Variants in MTMR14 observed in about 807,000 individuals in gnomAD.
MTMR14 encodes phosphatidylinositol-3,5-bisphosphate 3-phosphatase MTMR14.
A neutral mutation model predicts 86.3 loss-of-function variants in MTMR14; 48 were observed. The ratio of observed to expected loss-of-function variants is 0.56; its 90% CI spans 0.44 to 0.71. MTMR14 has a LOEUF of 0.71. Among genes scored for constraint, MTMR14 ranks in the 30% least tolerant of loss-of-function variants. MTMR14 has a pLI of 0.00. For missense variants in MTMR14, 780 were observed against 834.6 expected (o/e 0.93, Z 0.81); for synonymous variants, 366 against 326.1 (o/e 1.12, Z -1.32).
intron 10 of MTMR14, chr3:9,683,605 G>T (rs568760714): frequency 7.1e-6 from 2 of 282,288 alleles, no homozygotes; most frequent in East Asian, 1.8e-4. Flanking sequence ...CTCAGTGGAT[G>T]CACACAGCCT....
intron 17 of MTMR14, among the ~76,000 whole-genome samples, chr3:9,697,115 G>A (rs2076304578): frequency 6.6e-6 from 1 of 152,166 alleles, no homozygotes; most frequent in African/African-American, 2.4e-5. Context: ...GAGTCTGCTG[G>A]GCTGATGCTT....
At chr3:9,696,988 G>A (rs1368184023) in intron 17 of MTMR14, among the ~76,000 whole-genome samples, 4 of 151,998 alleles carry the variant, frequency 2.6e-5, no homozygotes, top group African/African-American at 9.7e-5. Flanking sequence ...AGGTGGAAGC[G>A]GTAGATTCCC....
intron 3 of MTMR14, among the ~76,000 whole-genome samples, chr3:9,666,162 C>T (rs1362153561): frequency 8.3e-6 from 1 of 120,858 alleles, no homozygotes; most frequent in Non-Finnish European, 1.6e-5. Context: ...TTGAGACAGT[C>T]TCTCTCCGTT....
intron 17 of MTMR14, among the ~76,000 whole-genome samples, chr3:9,695,583 G>A (rs1263519834): frequency 6.6e-6 from 1 of 152,226 alleles, no homozygotes; most frequent in African/African-American, 2.4e-5. Context: ...GAATCCTTGA[G>A]GGGAGCCAGT....
chr3:9,684,339 T>G (rs2075865822), intron 10 of MTMR14, among the ~76,000 whole-genome samples: 1 of 152,140 alleles, frequency 6.6e-6, no homozygotes. Context: ...CTGTGTAGGC[T>G]GCACTGTGTC....
At chr3:9,699,580 T>C (rs2076390588) in intron 18 of MTMR14, 2 of 152,266 alleles carry the variant, frequency 1.3e-5, no homozygotes, top group Admixed American at 1.3e-4. Context: ...TCTTCAAGTG[T>C]CAGCCTTGCC....
At chr3:9,651,701 T>A (rs2047305971) in intron 1 of MTMR14, among the ~76,000 whole-genome samples, 1 of 152,196 alleles carries the variant, frequency 6.6e-6, no homozygotes, top group Non-Finnish European at 1.5e-5. Flanking sequence ...AGTCTCCCTC[T>A]GTCACCCAGG....
chr3:9,679,880 C>T (rs780055852), intron 9 of MTMR14, among the ~76,000 whole-genome samples: 2 of 152,180 alleles, frequency 1.3e-5, no homozygotes, highest in South Asian at 2.1e-4. Context: ...GGCAGGCAGG[C>T]GCCTCCCAAG....
rs772360167 is a variant in MTMR14, at chr3:9,653,607, CCTT to C, written c.160-11_160-9del. ...CAGAATTCTCTTTGTGTTCTGGTCT[CCTT>C]CTCTGTGCAGGTTGAGCGCATTGAG... is the stretch of plus-strand genomic sequence containing the variant. On this transcript the variant is annotated splice_polypyrimidine_tract_variant and intron_variant, in intron 1 of 18. Coordinates refer to ENST00000296003, the MANE Select transcript of MTMR14 (RefSeq NM_001077525.3). 7 of 1,614,092 alleles carry C rather than the reference CCTT, an allele frequency of 4.3e-6. No homozygotes were observed. The highest frequency in any genetic ancestry group is 1.1e-5 in the South Asian group (1 of 91,080).
At position 9,671,103 on chromosome 3, in the gene MTMR14, C is replaced by T. The variant is rs781120675; in HGVS notation, c.610C>T (p.Arg204Ter). ...KVRGYDIKLLRYLSVKYICDL... is the reference protein window; with the variant it reads ...KVRGYDIKLL ...CAGAGGCTATGACATCAAGCTGCTT[C>T]GATACCTGTCAGTCAAATACATCTG... The change falls in exon 6 of 19, where the codon CGA becomes TGA. Residue 204 changes from arginine to a stop codon, truncating the protein, a stop_gained. Transcript: ENST00000296003. LOFTEE classifies it high-confidence loss of function. 8 of 1,614,038 alleles carry T rather than the reference C, an allele frequency of 5.0e-6. No homozygotes were observed. The highest frequency in any genetic ancestry group is 1.1e-5 in the South Asian group (1 of 91,084).
At chr3:9,653,806 A>G (rs951672374) in intron 2 of MTMR14, 37 bp downstream of exon 2, 2 of 1,613,596 alleles carry the variant, frequency 1.2e-6, no homozygotes, top group African/African-American at 2.7e-5. Context: ...ATGTCTGGGG[A>G]GTCCGTGGCA....
intron 3 of MTMR14, among the ~76,000 whole-genome samples, chr3:9,665,925 C>T (rs1290824994): frequency 6.6e-6 from 1 of 151,724 alleles, no homozygotes; most frequent in Non-Finnish European, 1.5e-5. Flanking sequence ...GACAGGATTT[C>T]ACGGTGTTAG....
At position 9,649,628 on chromosome 3, in the gene MTMR14, C is replaced by T. The variant is rs2047161715; in HGVS notation, c.45C>T (p.Ser15=). Residue 15 remains serine, a synonymous_variant, in exon 1 of 19, where the codon TCC becomes TCT. Coordinates refer to ENST00000296003, the MANE Select transcript of MTMR14 (RefSeq NM_001077525.3). The part of the protein sequence containing the change: ...RAAAAAASAG[S]SASSGNQPPQ... ...CCGCCGCCGCTGCCTCGGCGGGGTCCTCGGCCTCTTCAGGCAACCAGCCGC... is the reference window on the plus strand; with the variant it reads ...CCGCCGCCGCTGCCTCGGCGGGGTCTTCGGCCTCTTCAGGCAACCAGCCGC... 1 of 1,560,164 alleles carries T rather than the reference C, an allele frequency of 6.4e-7. No homozygotes were observed. The highest frequency in any genetic ancestry group is 1.4e-5 in the African/African-American group (1 of 73,424).
chr3:9,659,589 G>A (rs573627032), intron 2 of MTMR14: 116 of 396,502 alleles, frequency 2.9e-4, no homozygotes, highest in African/African-American at 2.3e-3. Flanking sequence ...GATTAGAGGC[G>A]CGTGCTGCCA....
intron 2 of MTMR14, among the ~76,000 whole-genome samples, chr3:9,658,728 A>G (rs529485699): frequency 3.9e-4 from 60 of 152,300 alleles, no homozygotes; most frequent in Admixed American, 8.5e-4. Context: ...ATGTGGGTGT[A>G]AGCTCTACTT....
intron 3 of MTMR14, among the ~76,000 whole-genome samples, chr3:9,663,957 T>G (rs533895745): frequency 8.3e-4 from 125 of 151,328 alleles, no homozygotes; most frequent in Middle Eastern, 3.4e-3. Flanking sequence ...CCCAGCTAAT[T>G]TTTGTATTTT....
intron 17 of MTMR14, among the ~76,000 whole-genome samples, chr3:9,691,537 C>T (rs982503512): frequency 1.3e-5 from 2 of 152,206 alleles, no homozygotes; most frequent in East Asian, 1.9e-4. Flanking sequence ...AGAGGTTCCT[C>T]TTGTCCTCTG....
chr3:9,696,869 G>A (rs529272159), intron 17 of MTMR14, among the ~76,000 whole-genome samples: 1 of 152,324 alleles, frequency 6.6e-6, no homozygotes, highest in Non-Finnish European at 1.5e-5. Context: ...TGGGACCTGG[G>A]GTAGCAGGTG....
chr3:9,654,875 GC>G (rs2047507337), intron 2 of MTMR14, among the ~76,000 whole-genome samples: 7 of 152,322 alleles, frequency 4.6e-5, no homozygotes, highest in Admixed American at 1.3e-4. Flanking sequence ...GCTGCCGTAG[GC>G]CAACTGGGGA....
Sources: allele counts gnomAD v4.1 joint callset (sites outside exome capture counted in the v4.1 genomes callset), GRCh38; gene constraint gnomAD v4.1.1; transcripts MANE v1.5; gene names NCBI Gene and HGNC (gene_info 2026-07-23, HGNC 2026-07-21).